Variants in MROH2B observed in about 807,000 individuals in gnomAD.
The protein encoded by MROH2B is maestro heat like repeat family member 2B.
Under a neutral mutation model 208.6 loss-of-function variants are expected in MROH2B, and 177 were observed. The observed-to-expected ratio is 0.85, with a 90% CI of 0.75 to 0.96. The LOEUF (loss-of-function observed/expected upper bound fraction) is 0.96, where lower values mean the gene tolerates loss of function less well. Ranked by LOEUF, MROH2B falls within the 40% of genes least tolerant of loss-of-function variation. MROH2B has a pLI of 0.00. For synonymous variants in MROH2B, 728 were observed against 659.0 expected (o/e 1.10, Z -1.60); for missense variants, 2,002 against 1,878.7 (o/e 1.07, Z -1.21).
chr5:41,024,642 C>G (rs967868142), intron 24 of MROH2B, among the ~76,000 whole-genome samples: 1 of 152,186 alleles, frequency 6.6e-6, no homozygotes. Context: ...AGAAAGTTAA[C>G]AAGGATATCC....
chr5:41,050,388 C>T (rs1743249647), intron 13 of MROH2B, among the ~76,000 whole-genome samples: 1 of 152,108 alleles, frequency 6.6e-6, no homozygotes, highest in African/African-American at 2.4e-5. Context: ...GACTTTTGGT[C>T]TCTATGTCCA....
At chr5:41,023,700 T>C (rs920403583) in intron 24 of MROH2B, among the ~76,000 whole-genome samples, 2 of 152,050 alleles carry the variant, frequency 1.3e-5, no homozygotes, top group African/African-American at 4.8e-5. Flanking sequence ...AAGATACTCT[T>C]TGAGAAGAGC....
intron 3 of MROH2B, 94 bp from the exon 4 acceptor site, chr5:41,065,584 T>C (rs1561309563): frequency 6.3e-6 from 6 of 946,732 alleles, no homozygotes; most frequent in Non-Finnish European, 4.5e-6. Context: ...TATATATGCA[T>C]TTATTTATTT....
chr5:41,064,946 A>G (rs1262590638), intron 4 of MROH2B, among the ~76,000 whole-genome samples: 3 of 152,242 alleles, frequency 2.0e-5, no homozygotes, highest in African/African-American at 7.2e-5. Flanking sequence ...TCCCCAAAGT[A>G]TATGTAAACA....
In MROH2B at chr5:41,064,425, T is replaced by G. The variant is rs932585049; in HGVS notation, c.460+47A>C. ...GACTTTTGCTTAATTTGTAAGACAG[T>G]TCACAGCCTGGTTTTTAAGCAAAAA... On this transcript the variant is annotated intron_variant, in intron 5 of 41. Coordinates refer to ENST00000399564, the MANE Select transcript of MROH2B (RefSeq NM_173489.5). The G allele has an allele frequency of 6.0e-6, 9 of 1,512,538 alleles. No homozygotes were observed. In the African/African-American group the frequency reaches 1.1e-4, roughly 18 times the overall value. 93.7% of individuals were successfully genotyped at this position (1,512,538 alleles called of 1,614,324 possible).
chr5:41,011,288 T>C (rs1162770396), intron 30 of MROH2B, among the ~76,000 whole-genome samples: 2 of 152,212 alleles, frequency 1.3e-5, no homozygotes, highest in African/African-American at 4.8e-5. Context: ...TCCTTAGTTA[T>C]AAATAGCCCC....
chr5:41,013,945 T>C (rs1332731448), intron 29 of MROH2B, among the ~76,000 whole-genome samples: 2 of 152,196 alleles, frequency 1.3e-5, no homozygotes, highest in Admixed American at 1.3e-4. Flanking sequence ...ACAAACTGAC[T>C]TCCCTAATTT....
rs547805691 is a variant in MROH2B, at chr5:41,053,769, T to C, written c.1107+998A>G. On this transcript the variant is annotated intron_variant, in intron 11 of 41. Coordinates refer to ENST00000399564, the MANE Select transcript of MROH2B (RefSeq NM_173489.5). Reference sequence around the variant, plus strand: ...TTTGTCAGTTACTAGGCCAGGTTTTTTTGTATAATCACTCTATTGCTTTTT... The same window carrying C: ...TTTGTCAGTTACTAGGCCAGGTTTTCTTGTATAATCACTCTATTGCTTTTT... Among the ~76,000 whole-genome samples, 39 of 152,316 alleles carry C rather than the reference T, an allele frequency of 2.6e-4. No individual in the cohort carries two copies. The South Asian group carries it at 3.7e-3, about 15-fold the overall frequency.
intron 10 of MROH2B, among the ~76,000 whole-genome samples, chr5:41,055,324 A>G (rs946154128): frequency 6.6e-6 from 1 of 152,246 alleles, no homozygotes; most frequent in Non-Finnish European, 1.5e-5. Context: ...CAATTGTAAG[A>G]TGCATTCAGT....
rs1228383254 is a variant in MROH2B, at chr5:41,018,910, C to T, written c.2550G>A (p.Gln850=). The T allele has an allele frequency of 1.2e-6, 2 of 1,613,886 alleles. No homozygotes were observed. Among genetic ancestry groups the T allele is most frequent in the Non-Finnish European group, 1.7e-6 (2 of 1,179,880 alleles). Residue 850 remains glutamine (Q), a synonymous_variant, in exon 25 of 42, where the codon CAG becomes CAA. Transcript: ENST00000399564. ...GAATGTGCTCCTTGTCCTTGTCTGT[C>T]TGGCCTTCACTTTTCAGATTTTCCA... is the stretch of plus-strand genomic sequence containing the variant. The part of the protein sequence containing the change: ...PPLENLKSEG[Q]TDKDKEHIQF...
chr5:41,045,628 C>CT lies in MROH2B; in HGVS notation c.1836+117dup, dbSNP rs11297360. On this transcript the variant is annotated intron_variant, in intron 18 of 41. Transcript: ENST00000399564. ...CTAGTGGCCTTAAAAAGAGGGAACT[C>CT]TTTTTTTTTTTAAATGTTCCTCCCT... The CT allele has an allele frequency of 5.4e-4, 325 of 599,170 alleles. 1 individual carries two copies. Among genetic ancestry groups the CT allele is most frequent in the East Asian group, 1.7e-3 (57 of 33,494 alleles). 37.1% of individuals were successfully genotyped at this position (599,170 alleles called of 1,614,324 possible). A position where few individuals can be genotyped will look rare whatever the true frequency, so the allele number is the denominator to read the frequency against.
At chr5:41,042,960 A>T (rs1743001171) in intron 18 of MROH2B, among the ~76,000 whole-genome samples, 1 of 152,172 alleles carries the variant, frequency 6.6e-6, no homozygotes, top group Admixed American at 6.5e-5. Context: ...ATTCCTAGCT[A>T]TATAGTAACA....
intron 37 of MROH2B, 80 bp from the exon 38 acceptor site, chr5:41,000,913 C>T (rs1026739396): frequency 6.9e-7 from 1 of 1,450,558 alleles, no homozygotes; most frequent in Non-Finnish European, 9.2e-7. Flanking sequence ...TCTCATCCCA[C>T]CCTTCCCGCT....
intron 30 of MROH2B, among the ~76,000 whole-genome samples, chr5:41,011,576 T>TAA (rs988099294): frequency 2.2e-4 from 34 of 152,216 alleles, no homozygotes; most frequent in African/African-American, 7.5e-4. Flanking sequence ...GGAGAGTTTT[T>TAA]AAATTGAGGG....
chr5:41,007,469 C>A lies in MROH2B; in HGVS notation c.3609-15G>T, dbSNP rs374963160. The stretch of plus-strand genomic sequence containing the variant: ...CAGTTGAAAGCCTAAAGGAGACAGT[C>A]AGCATTACAAAACTAAGTTGACCCT... On this transcript the variant is annotated splice_polypyrimidine_tract_variant and intron_variant, in intron 33 of 41. Transcript: ENST00000399564. 38 of 1,543,990 alleles carry A rather than the reference C, an allele frequency of 2.5e-5. No homozygotes were observed. Among genetic ancestry groups the A allele is most frequent in the Admixed American group, 4.1e-5 (2 of 48,220 alleles).
chr5:41,000,876 G>A, intron 37 of MROH2B, 43 bp from the exon 38 acceptor site: 6 of 1,568,696 alleles, frequency 3.8e-6, no homozygotes, highest in Non-Finnish European at 4.3e-6. Context: ...CCTCTCAGAG[G>A]CCATTCCCTG....
intron 37 of MROH2B, among the ~76,000 whole-genome samples, chr5:41,003,433 C>A (rs943393642): frequency 5.9e-5 from 9 of 151,904 alleles, no homozygotes; most frequent in African/African-American, 2.2e-4. Flanking sequence ...AGTTAGCATG[C>A]CAAAATCAGG....
At chr5:40,998,249 T>C in intron 41 of MROH2B, 91 bp from the exon 42 acceptor site, 1 of 996,200 alleles carries the variant, frequency 1.0e-6, no homozygotes, top group Non-Finnish European at 1.5e-6. Context: ...TTTTTAGCAC[T>C]GAGGGTCAGA....
At position 41,054,459 on chromosome 5, in the gene MROH2B, G is replaced by C. The variant is rs74977022; in HGVS notation, c.1107+308C>G. 2.3e-3 allele frequency among the ~76,000 whole-genome samples: 356 copies of C among 152,292 alleles called. 1 individual carries two copies. The highest frequency in any genetic ancestry group is 8.2e-3 in the African/African-American group (341 of 41,572). On this transcript the variant is annotated intron_variant, in intron 11 of 41. Coordinates refer to ENST00000399564, the MANE Select transcript of MROH2B (RefSeq NM_173489.5). ...AAGTAATTTTTAAACTATTTGAAGT[G>C]CATTGGCATAGTGAGATACAGTCTC... is the stretch of plus-strand genomic sequence containing the variant.
Sources: gnomAD v4.1 joint callset for allele counts (sites outside exome capture counted in the v4.1 genomes callset) on GRCh38, gnomAD v4.1.1 for gene constraint, MANE v1.5 for transcripts, NCBI Gene and HGNC (gene_info 2026-07-23, HGNC 2026-07-21) for gene names.